ZBBX: variants seen among roughly 807,000 people sequenced by gnomAD.
ZBBX encodes zinc finger B-box domain-containing protein 1.
Under a neutral mutation model 108.5 loss-of-function variants are expected in ZBBX, and 101 were observed. That is an observed-to-expected ratio of 0.93 (90% confidence interval 0.79 to 1.10). The LOEUF is 1.10. ZBBX is among the 50% of genes least tolerant of loss of function. The probability of loss-of-function intolerance (pLI) is 0.00; values close to 1 mark genes in which losing one functional copy is unlikely to be tolerated. For synonymous variants in ZBBX, 356 were observed against 323.4 expected, an observed-to-expected ratio of 1.10 and a Z score of -1.08; for missense variants, 1,009 against 941.4, an observed-to-expected ratio of 1.07 and a Z score of -0.94.
At chr3:167,338,783 G>GA (rs1740019624) in intron 9 of ZBBX, among the ~76,000 whole-genome samples, 1 of 151,990 alleles carries the variant, frequency 6.6e-6, no homozygotes, top group Non-Finnish European at 1.5e-5. Context: ...TAGAGAGAGA[G>GA]ATACACACAT....
intron 1 of ZBBX, among the ~76,000 whole-genome samples, chr3:167,393,316 T>A (rs1373228644): frequency 6.6e-6 from 1 of 151,894 alleles, no homozygotes; most frequent in Non-Finnish European, 1.5e-5. Flanking sequence ...TATTTAGATT[T>A]TGTTTGTTTA....
Position 167,359,176 on chromosome 3 carries a change from G to A in ZBBX, c.432+694C>T, listed in dbSNP as rs2108534245. ...AAATTTAACATGGATGAATCATGTG[G>A]AGCAAAAGAAGCCAAAAGTATATAC... On this transcript the variant is annotated intron_variant, in intron 8 of 21. Transcript: ENST00000675490. 2.6e-5 allele frequency among the ~76,000 whole-genome samples: 4 copies of A among 152,136 alleles called. No individual in the cohort carries two copies. In the Middle Eastern group the frequency reaches 0.014, roughly 517 times the overall value.
chr3:167,385,656 T>G (rs1747890049), intron 1 of ZBBX, among the ~76,000 whole-genome samples: 1 of 151,956 alleles, frequency 6.6e-6, no homozygotes, highest in South Asian at 2.1e-4. Flanking sequence ...CTATAAGCCT[T>G]TTTCTATTTA....
intron 10 of ZBBX, among the ~76,000 whole-genome samples, chr3:167,331,845 A>G (rs1738686888): frequency 6.6e-6 from 1 of 152,186 alleles, no homozygotes; most frequent in Admixed American, 6.5e-5. Context: ...GCCCAATATT[A>G]CAATGCTATA....
the ZBBX span, among the ~76,000 whole-genome samples, chr3:167,180,297 C>T: frequency 1.3e-5 from 2 of 152,194 alleles, no homozygotes; most frequent in African/African-American, 4.8e-5. Flanking sequence ...ACAGACTACT[C>T]ATGGCATAAG....
At chr3:167,312,910 T>C (rs1221225892) in intron 16 of ZBBX, among the ~76,000 whole-genome samples, 1 of 152,190 alleles carries the variant, frequency 6.6e-6, no homozygotes, top group Non-Finnish European at 1.5e-5. Context: ...TTATTTCAAA[T>C]ATGCCCTCCG....
chr3:167,371,377 A>G (rs559893432), intron 4 of ZBBX, among the ~76,000 whole-genome samples: 27 of 152,282 alleles, frequency 1.8e-4, no homozygotes, highest in Admixed American at 7.8e-4. Context: ...AACTAACTGC[A>G]TCTCTCACTC....
chr3:167,185,566 G>T, the ZBBX span, among the ~76,000 whole-genome samples: 2 of 151,914 alleles, frequency 1.3e-5, no homozygotes, highest in Non-Finnish European at 2.9e-5. Context: ...ATATTATTTT[G>T]CTTGCTGAAT....
At chr3:167,248,216 G>A (rs1306234006) in intron 20 of ZBBX, among the ~76,000 whole-genome samples, 1 of 152,116 alleles carries the variant, frequency 6.6e-6, no homozygotes, top group Non-Finnish European at 1.5e-5. Context: ...AAGCCCAACA[G>A]CCACGAGTGG....
chr3:167,336,997 A>G (rs1304009381), intron 9 of ZBBX, among the ~76,000 whole-genome samples: 2 of 152,138 alleles, frequency 1.3e-5, no homozygotes, highest in Non-Finnish European at 2.9e-5. Context: ...GTTTTATTCT[A>G]TATCTATGAG....
chr3:167,361,033 T>C (rs1744423663), intron 6 of ZBBX, among the ~76,000 whole-genome samples: 1 of 152,074 alleles, frequency 6.6e-6, no homozygotes, highest in Admixed American at 6.6e-5. Flanking sequence ...TATTCAAATA[T>C]TGTAAAGGTT....
intron 18 of ZBBX, among the ~76,000 whole-genome samples, 162 bp from the exon 19 acceptor site, chr3:167,289,145 TC>T (rs1730215774): frequency 6.6e-6 from 1 of 151,978 alleles, no homozygotes; most frequent in South Asian, 2.1e-4. Context: ...AAAATAAAAA[TC>T]ATTAAATTAA....
chr3:167,254,489 G>A (rs1723130197), intron 20 of ZBBX, among the ~76,000 whole-genome samples: 1 of 152,102 alleles, frequency 6.6e-6, no homozygotes, highest in South Asian at 2.1e-4. Flanking sequence ...AAGTGATAAA[G>A]AGTACACTAT....
chr3:167,328,139 A>T, intron 10 of ZBBX, 23 bp from the exon 11 acceptor site: 1 of 1,573,086 alleles, frequency 6.4e-7, no homozygotes, highest in Non-Finnish European at 8.6e-7. Flanking sequence ...ATACATAGGC[A>T]TGCTTTATTA....
intron 20 of ZBBX, among the ~76,000 whole-genome samples, chr3:167,276,026 C>T (rs370134654): frequency 1.3e-4 from 20 of 152,224 alleles, no homozygotes; most frequent in South Asian, 1.2e-3. Flanking sequence ...CAGACTGACA[C>T]CTCACACGGC....
At chr3:167,257,778 T>C (rs1723781689) in intron 20 of ZBBX, among the ~76,000 whole-genome samples, 1 of 152,182 alleles carries the variant, frequency 6.6e-6, no homozygotes, top group Non-Finnish European at 1.5e-5. Flanking sequence ...TTTCATGTGT[T>C]TGTTGGCCAT....
chr3:167,372,249 C>G (rs1165223536), intron 4 of ZBBX, among the ~76,000 whole-genome samples: 2 of 152,026 alleles, frequency 1.3e-5, no homozygotes, highest in African/African-American at 4.8e-5. Context: ...CTGGCTGGCT[C>G]TTACTGATAT....
chr3:167,390,441 G>T (rs747324703), intron 1 of ZBBX, among the ~76,000 whole-genome samples: 3 of 151,420 alleles, frequency 2.0e-5, no homozygotes, highest in Non-Finnish European at 4.4e-5. Context: ...TCTTCTTTTT[G>T]CTTAGGATTA....
chr3:167,178,914 G>A, the ZBBX span, among the ~76,000 whole-genome samples: 1 of 152,096 alleles, frequency 6.6e-6, no homozygotes, highest in African/African-American at 2.4e-5. Flanking sequence ...TGCTGCTCCA[G>A]GGAGAGATTC....
Sources: gnomAD v4.1 joint callset for allele counts (sites outside exome capture counted in the v4.1 genomes callset) on GRCh38, gnomAD v4.1.1 for gene constraint, MANE v1.5 for transcripts, NCBI Gene and HGNC (gene_info 2026-07-23, HGNC 2026-07-21) for gene names.